ZNF385B: variants seen among roughly 807,000 people sequenced by gnomAD.
The protein encoded by ZNF385B is zinc finger protein 533.
ZNF385B carries 23 observed loss-of-function variants against 39.2 expected under a neutral mutation model. The ratio of observed to expected loss-of-function variants is 0.59; its 90% CI spans 0.42 to 0.83. The LOEUF is 0.83. Ranked by LOEUF, ZNF385B falls within the 40% of genes least tolerant of loss-of-function variation. ZNF385B has a pLI of 0.00. For synonymous variants in ZNF385B, 205 were observed against 222.6 expected, an observed-to-expected ratio of 0.92 and a Z score of 0.70; for missense variants, 552 against 598.9, an observed-to-expected ratio of 0.92 and a Z score of 0.82.
intron 3 of ZNF385B, among the ~76,000 whole-genome samples, chr2:179,676,450 T>C (rs993826166): frequency 1.3e-5 from 2 of 152,198 alleles, no homozygotes; most frequent in East Asian, 1.9e-4. Context: ...GGTCTCGATC[T>C]CCTGACCTCG....
chr2:179,776,686 C>T (rs774207832), intron 1 of ZNF385B, among the ~76,000 whole-genome samples: 41 of 151,930 alleles, frequency 2.7e-4, no homozygotes, highest in Non-Finnish European at 4.9e-4. Context: ...TGCTCGTGAC[C>T]AACAACAAGG....
At chr2:179,551,948 G>A (rs2060602963) in intron 3 of ZNF385B, among the ~76,000 whole-genome samples, 1 of 132,532 alleles carries the variant, frequency 7.5e-6, no homozygotes. Context: ...CCATTAGAAT[G>A]TAATTAAATT....
At chr2:179,836,400 C>T (rs1383059664) in intron 1 of ZNF385B, among the ~76,000 whole-genome samples, 1 of 151,940 alleles carries the variant, frequency 6.6e-6, no homozygotes, top group Non-Finnish European at 1.5e-5. Flanking sequence ...GGAATATTTG[C>T]ATTTAGAGCA....
Position 179,470,395 on chromosome 2 carries a change from T to C in ZNF385B, c.715+12877A>G, listed in dbSNP as rs183307336. Among the ~76,000 whole-genome samples, 4 of 152,334 alleles carry C rather than the reference T, an allele frequency of 2.6e-5. No homozygotes were observed. In the East Asian group the frequency reaches 5.8e-4, roughly 22 times the overall value. On this transcript the variant is annotated intron_variant, in intron 6 of 9. Transcript: ENST00000410066. ...TAATCCACTTCCTCCGTGCAGCCTG[T>C]TGGGCCGCATCTTGCAAAACTGAGA...
Position 179,461,906 on chromosome 2 carries a change from T to C in ZNF385B, c.716-15136A>G, listed in dbSNP as rs368435235. ...ATCAGGGAGGACTCATTAGGCTCACTGATACCTGTTGACATCTTCTGAAAT... is the reference window on the plus strand; with the variant it reads ...ATCAGGGAGGACTCATTAGGCTCACCGATACCTGTTGACATCTTCTGAAAT... On this transcript the variant is annotated intron_variant, in intron 6 of 9. Transcript: ENST00000410066. 1.1e-4 allele frequency among the ~76,000 whole-genome samples: 17 copies of C among 152,284 alleles called. No individual in the cohort carries two copies. In the East Asian group the frequency reaches 2.1e-3, roughly 19 times the overall value.
chr2:179,478,847 G>T lies in ZNF385B; in HGVS notation c.715+4425C>A, dbSNP rs544378176. On this transcript the variant is annotated intron_variant, in intron 6 of 9. Transcript: ENST00000410066. ...AACCTGGTGTGAGTTGTTAAATGCT[G>T]TCACAAGAGAGCCTTCAATTTGATG... is the stretch of plus-strand genomic sequence containing the variant. 2.0e-5 allele frequency among the ~76,000 whole-genome samples: 3 copies of T among 152,222 alleles called. No individual in the cohort carries two copies. In the East Asian group the frequency reaches 5.8e-4, roughly 29 times the overall value.
intron 6 of ZNF385B, among the ~76,000 whole-genome samples, chr2:179,474,674 C>T (rs1413741813): frequency 3.3e-5 from 5 of 152,036 alleles, no homozygotes; most frequent in African/African-American, 1.2e-4. Context: ...ATAAGTCTAA[C>T]AAACTTGGAT....
chr2:179,840,945 C>G (rs1305778573), intron 1 of ZNF385B, among the ~76,000 whole-genome samples: 1 of 152,232 alleles, frequency 6.6e-6, no homozygotes, highest in Non-Finnish European at 1.5e-5. Context: ...AGAATGCTTA[C>G]ATGACTTGGG....
chr2:179,489,170 G>A (rs2054933732), intron 5 of ZNF385B, among the ~76,000 whole-genome samples: 1 of 152,174 alleles, frequency 6.6e-6, no homozygotes, highest in African/African-American at 2.4e-5. Context: ...GGAGATGAAG[G>A]TATTACGGGC....
intron 3 of ZNF385B, among the ~76,000 whole-genome samples, chr2:179,564,843 A>C (rs193279344): frequency 1.8e-4 from 27 of 152,164 alleles, no homozygotes; most frequent in Admixed American, 3.9e-4. Flanking sequence ...CTTGTACAAA[A>C]TTAAACTACT....
chr2:179,722,771 T>A (rs926154299), intron 3 of ZNF385B, among the ~76,000 whole-genome samples: 2 of 152,042 alleles, frequency 1.3e-5, no homozygotes, highest in Non-Finnish European at 2.9e-5. Flanking sequence ...CCAAAAATAA[T>A]AAAAACCCAA....
chr2:179,493,757 A>C (rs1198571640), intron 5 of ZNF385B, among the ~76,000 whole-genome samples: 2 of 136,782 alleles, frequency 1.5e-5, no homozygotes, highest in Non-Finnish European at 3.1e-5. Context: ...GTGTATATAC[A>C]TATATGTATA....
intron 3 of ZNF385B, among the ~76,000 whole-genome samples, chr2:179,545,860 C>T (rs1042570290): frequency 6.6e-6 from 1 of 152,012 alleles, no homozygotes; most frequent in African/African-American, 2.4e-5. Context: ...AATGAAGTAT[C>T]CATCCCCTCA....
intron 5 of ZNF385B, among the ~76,000 whole-genome samples, chr2:179,517,089 C>T (rs998098994): frequency 1.3e-5 from 2 of 151,796 alleles, no homozygotes; most frequent in Non-Finnish European, 2.9e-5. Flanking sequence ...CTGTTCTGTT[C>T]CATTGATCCA....
chr2:179,712,881 G>A (rs1700091452), intron 3 of ZNF385B, among the ~76,000 whole-genome samples: 1 of 152,276 alleles, frequency 6.6e-6, no homozygotes, highest in Admixed American at 6.5e-5. Flanking sequence ...TGGTGTAAAA[G>A]TGAATCACGT....
intron 3 of ZNF385B, among the ~76,000 whole-genome samples, chr2:179,615,881 G>A (rs975558755): frequency 6.6e-6 from 1 of 152,162 alleles, no homozygotes; most frequent in Non-Finnish European, 1.5e-5. Context: ...TCTGGGTGAT[G>A]GGACCAAGAA....
intron 1 of ZNF385B, among the ~76,000 whole-genome samples, chr2:179,810,053 G>T (rs1267102338): frequency 6.6e-6 from 1 of 151,880 alleles, no homozygotes; most frequent in Non-Finnish European, 1.5e-5. Context: ...TTTGAAAAGG[G>T]AACATCAGGA....
rs571617840 is a variant in ZNF385B, at chr2:179,782,240, A to T, written c.-154-11568T>A. 1.4e-4 allele frequency among the ~76,000 whole-genome samples: 22 copies of T among 152,314 alleles called. No individual in the cohort carries two copies. In the East Asian group the frequency reaches 4.0e-3, roughly 28 times the overall value. The stretch of plus-strand genomic sequence containing the variant: ...CAGAACTAAAAAGAAAAAACACATG[A>T]TTATCTCAATAGACACAGAAAAGGG... On this transcript the variant is annotated intron_variant, in intron 1 of 9. Coordinates refer to ENST00000410066, the MANE Select transcript of ZNF385B (RefSeq NM_152520.6).
chr2:179,530,714 C>T (rs1334442169), intron 4 of ZNF385B, among the ~76,000 whole-genome samples: 1 of 152,154 alleles, frequency 6.6e-6, no homozygotes, highest in Non-Finnish European at 1.5e-5. Flanking sequence ...GAATATATTT[C>T]TTCATTTTGC....
Sources: allele counts gnomAD v4.1 joint callset (sites outside exome capture counted in the v4.1 genomes callset), GRCh38; gene constraint gnomAD v4.1.1; transcripts MANE v1.5; gene names NCBI Gene and HGNC (gene_info 2026-07-23, HGNC 2026-07-21).